The following DTNA variants were observed in gnomAD, a reference collection of about 807,000 sequenced individuals.
DTNA encodes dystrobrevin alpha.
DTNA carries 43 observed loss-of-function variants against 100.7 expected under a neutral mutation model. The observed-to-expected ratio is 0.43, with a 90% confidence interval of 0.33 to 0.55. DTNA has a LOEUF of 0.55. DTNA is among the 20% of genes least tolerant of loss of function. DTNA has a pLI of 0.04. For missense variants in DTNA, 798 were observed against 953.9 expected, an observed-to-expected ratio of 0.84 and a Z score of 2.15; for synonymous variants, 349 against 347.9, an observed-to-expected ratio of 1.00 and a Z score of -0.04.
At chr18:34,507,237 A>G (rs1443874386) in intron 1 of DTNA, among the ~76,000 whole-genome samples, 2 of 152,080 alleles carry the variant, frequency 1.3e-5, no homozygotes, top group African/African-American at 4.8e-5. Flanking sequence ...GGATGCTGGA[A>G]CCACACCATC....
intron 1 of DTNA, among the ~76,000 whole-genome samples, chr18:34,508,883 T>C (rs55806156): frequency 5.9e-5 from 9 of 152,308 alleles, no homozygotes; most frequent in Non-Finnish European, 1.0e-4. Flanking sequence ...ATACACTTTT[T>C]TGAAAATGTC....
In DTNA at chr18:34,819,936, G is replaced by A. The variant is rs142780942; in HGVS notation, c.877-855G>A. Among the ~76,000 whole-genome samples the A allele has an allele frequency of 9.5e-3, 1,416 of 149,108 alleles. 16 individuals are homozygous for A. The highest frequency in any genetic ancestry group is 0.022 in the South Asian group (101 of 4,516). ...GTTTCTTATGGAAAGGAAAAACATG[G>A]TTAAGGTTTTATTATTATGTTGGTG... On this transcript the variant is annotated intron_variant, in intron 8 of 22. Transcript: ENST00000444659.
chr18:34,885,435 A>C (rs914239116), intron 22 of DTNA, among the ~76,000 whole-genome samples: 4 of 152,226 alleles, frequency 2.6e-5, no homozygotes, highest in Non-Finnish European at 4.4e-5. Flanking sequence ...TTTTTAATGC[A>C]GAGAGATTAG....
chr18:34,684,719 C>T (rs2078627133), intron 1 of DTNA, among the ~76,000 whole-genome samples: 1 of 152,162 alleles, frequency 6.6e-6, no homozygotes, highest in Non-Finnish European at 1.5e-5. Flanking sequence ...TGAGGAATCA[C>T]CACACTGTCT....
intron 1 of DTNA, among the ~76,000 whole-genome samples, chr18:34,654,690 A>G (rs1217628635): frequency 1.3e-5 from 2 of 152,202 alleles, no homozygotes; most frequent in Admixed American, 1.3e-4. Flanking sequence ...TCTATGTTCC[A>G]CTATGTATGT....
In DTNA at chr18:34,514,842, A is replaced by G. The variant is rs548871739; in HGVS notation, c.-2+21328A>G. On this transcript the variant is annotated intron_variant, in intron 1 of 19. Transcript: ENST00000283365. ...TGTCCTCATGACCTAATTACCTCCC[A>G]AAGGCCTCACTCCTAACACCATCAA... 2.6e-5 allele frequency among the ~76,000 whole-genome samples: 4 copies of G among 152,146 alleles called. No individual in the cohort carries two copies. In the South Asian group the frequency reaches 8.3e-4, roughly 32 times the overall value.
At chr18:34,540,685 C>T (rs1419346522) in intron 1 of DTNA, among the ~76,000 whole-genome samples, 1 of 151,980 alleles carries the variant, frequency 6.6e-6, no homozygotes, top group African/African-American at 2.4e-5. Context: ...CCAAGGTTAC[C>T]CTTTATGACA....
intron 9 of DTNA, among the ~76,000 whole-genome samples, chr18:34,826,651 A>G (rs2095864733): frequency 2.0e-5 from 3 of 152,200 alleles, no homozygotes; most frequent in Admixed American, 6.5e-5. Flanking sequence ...AAACTCAAAT[A>G]TAGAATTATA....
chr18:34,503,519 C>T (rs993677646), intron 1 of DTNA, among the ~76,000 whole-genome samples: 1 of 151,830 alleles, frequency 6.6e-6, no homozygotes, highest in Admixed American at 6.6e-5. Context: ...CTCCCGACCT[C>T]GTGATCTGCC....
At chr18:34,866,242 A>T (rs2096702539) in intron 17 of DTNA, 2 of 1,603,950 alleles carry the variant, frequency 1.2e-6, no homozygotes, top group South Asian at 2.2e-5. Context: ...GTTTGGAAAG[A>T]GAAAAAAGTC....
Position 34,581,280 on chromosome 18 carries a change from C to CAAAACAAAACA in DTNA, c.-2+87775_-2+87776insCAAAAACAAAA, listed in dbSNP as rs1567948050. Among the ~76,000 whole-genome samples, 924 of 96,454 alleles carry CAAAACAAAACA rather than the reference C, an allele frequency of 9.6e-3. 13 individuals carry two copies. Among genetic ancestry groups the CAAAACAAAACA allele is most frequent in the African/African-American group, 0.027 (861 of 32,178 alleles). The allele number at this position is 96,454 out of a possible 152,430, so 63.3% of individuals were successfully genotyped here. A position where few individuals can be genotyped will look rare whatever the true frequency, so the allele number is the denominator to read the frequency against. ...AACAAAACAAAACAAAACAAAAAAA[C>CAAAACAAAACA]AAAACAAAAAAGAAACTGTGTTAAT... On this transcript the variant is annotated intron_variant, in intron 1 of 19. Transcript: ENST00000283365.
At chr18:34,528,236 A>G (rs1288855571) in intron 1 of DTNA, among the ~76,000 whole-genome samples, 1 of 152,046 alleles carries the variant, frequency 6.6e-6, no homozygotes, top group Non-Finnish European at 1.5e-5. Context: ...ACTTCTGCCA[A>G]ATCTGTTAGA....
rs777151331 is a variant in DTNA, at chr18:34,879,541, T to C, written c.1994-10T>C. ...GAGTCATTCTTTATTTCTTCAATTG[T>C]ATCTGCTAGAGGTTGGGAGTGAAAC... On this transcript the variant is annotated splice_polypyrimidine_tract_variant and intron_variant, in intron 19 of 22. Transcript: ENST00000444659. 1 of 1,614,010 alleles carries C rather than the reference T, an allele frequency of 6.2e-7. No individual in the cohort carries two copies. The highest frequency in any genetic ancestry group is 8.5e-7 in the Non-Finnish European group (1 of 1,179,928).
At position 34,888,567 on chromosome 18, in the gene DTNA, G is replaced by A. The variant is rs1322909639; in HGVS notation, c.*833G>A. ...ATAGATATCATATTCAAAAAAGGCA[G>A]CATTCAAATTATATAGAATCTAGTT... On this transcript the variant is annotated 3_prime_UTR_variant, in exon 23 of 23. Transcript: ENST00000444659. 1.3e-5 allele frequency: 13 copies of A among 985,522 alleles called. No individual in the cohort carries two copies. Among genetic ancestry groups the A allele is most frequent in the Non-Finnish European group, 1.6e-5 (13 of 829,812 alleles). 61.0% of individuals were successfully genotyped at this position (985,522 alleles called of 1,614,324 possible).
intron 1 of DTNA, among the ~76,000 whole-genome samples, chr18:34,647,980 G>A (rs767974647): frequency 6.6e-6 from 1 of 152,176 alleles, no homozygotes; most frequent in Non-Finnish European, 1.5e-5. Context: ...AAATTAGTTT[G>A]GCAATCAGGG....
rs1343357575 is a variant in DTNA, at chr18:34,891,013, G to A, written c.*3279G>A. 6.6e-6 allele frequency: 1 copy of A among 152,554 alleles called. No homozygotes were observed. Among genetic ancestry groups the A allele is most frequent in the Non-Finnish European group, 1.5e-5 (1 of 68,082 alleles). The allele number at this position is 152,554 out of a possible 1,614,324, so 9.5% of individuals were successfully genotyped here. A position where few individuals can be genotyped will look rare whatever the true frequency, so the allele number is the denominator to read the frequency against. The stretch of plus-strand genomic sequence containing the variant: ...TTCCCCTTGGTTCGATTCCACGCAA[G>A]GAGCCACAAGTGAGAACTCCACTGT... On this transcript the variant is annotated 3_prime_UTR_variant, in exon 23 of 23. Transcript: ENST00000444659.
intron 13 of DTNA, among the ~76,000 whole-genome samples, chr18:34,846,230 C>G (rs2096375718): frequency 6.6e-6 from 1 of 152,052 alleles, no homozygotes; most frequent in African/African-American, 2.4e-5. Context: ...CACAAGATCC[C>G]TAGGTGATAT....
intron 1 of DTNA, among the ~76,000 whole-genome samples, chr18:34,551,618 C>G (rs995914443): frequency 2.6e-5 from 4 of 152,100 alleles, no homozygotes; most frequent in African/African-American, 9.7e-5. Context: ...TCCCTAGCAG[C>G]CTGTCTTCAT....
At chr18:34,536,287 T>C (rs190896426) in intron 1 of DTNA, among the ~76,000 whole-genome samples, 3 of 152,134 alleles carry the variant, frequency 2.0e-5, no homozygotes, top group East Asian at 3.9e-4. Flanking sequence ...ATCTTCCTGC[T>C]CACTGCCAAG....
Sources: allele counts gnomAD v4.1 joint callset (sites outside exome capture counted in the v4.1 genomes callset), GRCh38; gene constraint gnomAD v4.1.1; transcripts MANE v1.5; gene names NCBI Gene and HGNC (gene_info 2026-07-23, HGNC 2026-07-21).